The following BDP1 variants were observed in gnomAD, a reference collection of about 807,000 sequenced individuals.
BDP1 encodes the protein BDP1 general transcription factor IIIB subunit.
Under a neutral mutation model 266.6 loss-of-function variants are expected in BDP1, and 169 were observed. The observed-to-expected ratio is 0.63, with a 90% CI of 0.56 to 0.72. The LOEUF (loss-of-function observed/expected upper bound fraction) is 0.72, where lower values mean the gene tolerates loss of function less well. Ranked by LOEUF, BDP1 falls within the 30% of genes least tolerant of loss-of-function variation. The pLI is 0.00. For missense variants in BDP1, 3,015 were observed against 3,053.8 expected (o/e 0.99, Z 0.30); for synonymous variants, 1,090 against 1,022.4 (o/e 1.07, Z -1.26).
At chr5:71,461,557 T>C (rs1761565845) in intron 2 of BDP1, among the ~76,000 whole-genome samples, 4 of 152,024 alleles carry the variant, frequency 2.6e-5, no homozygotes, top group Non-Finnish European at 5.9e-5. Context: ...AAGGCTGCAG[T>C]GAGCTATGAT....
At chr5:71,507,810 A>T (rs1764664867) in intron 16 of BDP1, among the ~76,000 whole-genome samples, 1 of 152,234 alleles carries the variant, frequency 6.6e-6, no homozygotes, top group Non-Finnish European at 1.5e-5. Context: ...TAAACACTTC[A>T]GTTATGTAAA....
chr5:71,472,636 T>C (rs1762319080), intron 7 of BDP1, among the ~76,000 whole-genome samples: 1 of 152,174 alleles, frequency 6.6e-6, no homozygotes, highest in Admixed American at 6.6e-5. Context: ...TCATAAGGGA[T>C]ACTGATTTGT....
chr5:71,548,533 T>C (rs758949400), intron 32 of BDP1, 149 bp from the exon 33 acceptor site: 7 of 545,016 alleles, frequency 1.3e-5, no homozygotes, highest in Non-Finnish European at 2.0e-5. Flanking sequence ...AAAAGTTTAT[T>C]GGAACAGCCT....
chr5:71,551,907 C>T (rs1369017365), intron 34 of BDP1, among the ~76,000 whole-genome samples: 3 of 145,312 alleles, frequency 2.1e-5, no homozygotes, highest in African/African-American at 5.1e-5. Context: ...GGGGGGCTGA[C>T]CCCCCCACCT....
At chr5:71,550,799 G>A (rs1009671126) in intron 34 of BDP1, among the ~76,000 whole-genome samples, 2 of 152,070 alleles carry the variant, frequency 1.3e-5, no homozygotes, top group East Asian at 3.9e-4. Context: ...TCCACCTCCC[G>A]GGTTCAAGTG....
At position 71,506,786 on chromosome 5, in the gene BDP1, A is replaced by AACACACACAC. The variant is rs70992971; in HGVS notation, c.2372+2064_2372+2073dup. Among the ~76,000 whole-genome samples the AACACACACAC allele has an allele frequency of 8.4e-3, 539 of 64,406 alleles. 5 individuals carry two copies. Among genetic ancestry groups the AACACACACAC allele is most frequent in the Admixed American group, 0.033 (140 of 4,204 alleles). The allele number at this position is 64,406 out of a possible 152,430, so 42.3% of individuals were successfully genotyped here. ...TATATATATATATATATATATTTGAAACACACACACACACACACACACACA... is the reference window on the plus strand; with the variant it reads ...TATATATATATATATATATATTTGAAACACACACACACACACACACACACACACACACACA... On this transcript the variant is annotated intron_variant, in intron 16 of 38. Transcript: ENST00000358731.
At chr5:71,576,182 G>A in the BDP1 span, among the ~76,000 whole-genome samples, 2 of 152,106 alleles carry the variant, frequency 1.3e-5, no homozygotes, top group Admixed American at 1.3e-4. Flanking sequence ...TTCCTGTGCA[G>A]AGGCAAAAAC....
intron 4 of BDP1, among the ~76,000 whole-genome samples, chr5:71,465,757 T>C (rs1761866622): frequency 6.6e-6 from 1 of 152,126 alleles, no homozygotes. Context: ...GGTGCGCGCC[T>C]GTAATCCCAG....
chr5:71,544,335 G>A (rs781201113), intron 30 of BDP1, 22 bp from the exon 31 acceptor site: 42 of 1,603,202 alleles, frequency 2.6e-5, no homozygotes, highest in Middle Eastern at 1.7e-4. Flanking sequence ...GGTCTATATC[G>A]TAAGTGTGCT....
intron 5 of BDP1, 81 bp downstream of exon 5, chr5:71,466,302 G>A (rs534632305): frequency 6.8e-7 from 1 of 1,478,000 alleles, no homozygotes. Flanking sequence ...TCCTCTTTCT[G>A]TATTGGCCTT....
Position 71,562,450 on chromosome 5 carries a change from C to T in BDP1, c.7673C>T (p.Ser2558Phe), listed in dbSNP as rs756632652. The change falls in exon 38 of 39, where the codon TCC becomes TTC. Residue 2558 changes from serine to phenylalanine, a missense_variant. Transcript: ENST00000358731. Reference sequence around the variant, plus strand: ...GAAAGCCAGGAAAAAAATCGAGAGTCCTCTGATCTGCTTCCATCTCCAAGT... The same window carrying T: ...GAAAGCCAGGAAAAAAATCGAGAGTTCTCTGATCTGCTTCCATCTCCAAGT... ...FNESQEKNRE[S>F]SDLLPSPSVI... 4 of 1,613,818 alleles carry T rather than the reference C, an allele frequency of 2.5e-6. No individual in the cohort carries two copies. Among genetic ancestry groups the T allele is most frequent in the Admixed American group, 3.3e-5 (2 of 60,008 alleles).
At position 71,502,672 on chromosome 5, in the gene BDP1, T is replaced by C. The variant is rs370260690; in HGVS notation, c.2122T>C (p.Leu708=). 2.2e-5 allele frequency: 35 copies of C among 1,613,916 alleles called. No individual in the cohort carries two copies. Among genetic ancestry groups the C allele is most frequent in the Admixed American group, 1.7e-5 (1 of 59,978 alleles). ...AAGACCTGTACAAGTGAGGGGCCGA[T>C]TGCAAAAGCCAAAGCCAAATGCAGG... ...ALRPVQVRGR[L]QKPKPNAGKA... Residue 708 remains leucine (L), a synonymous_variant, in exon 15 of 39, where the codon TTG becomes CTG. Coordinates refer to ENST00000358731, the MANE Select transcript of BDP1 (RefSeq NM_018429.3).
intron 15 of BDP1, among the ~76,000 whole-genome samples, chr5:71,503,682 C>G (rs9968768): frequency 0.79 from 119,537 of 152,048 alleles, 47,598 homozygotes; most frequent in East Asian, 0.87. Context: ...CCCATGGTCT[C>G]TAGGCCAGGC....
chr5:71,518,944 C>T lies in BDP1; in HGVS notation c.4991+1492C>T, dbSNP rs187196775. ...AAGTGATTCTTGTGCTTCAGCCTCC[C>T]GAGTAGTTGGGATTGCAGGCACCCA... On this transcript the variant is annotated intron_variant, in intron 22 of 38. Transcript: ENST00000358731. Among the ~76,000 whole-genome samples, 175 of 150,892 alleles carry T rather than the reference C, an allele frequency of 1.2e-3. 1 individual carries two copies. Among genetic ancestry groups the T allele is most frequent in the Non-Finnish European group, 4.4e-4 (30 of 67,796 alleles).
intron 37 of BDP1, 134 bp downstream of exon 37, chr5:71,560,371 A>G: frequency 2.0e-6 from 2 of 1,003,156 alleles, no homozygotes; most frequent in South Asian, 2.0e-5. Flanking sequence ...TAAAGGAAAA[A>G]GTTTCAGCCA....
chr5:71,564,927 T>C lies in BDP1; in HGVS notation c.*42T>C. ...TTTCTTTTTTAAATTAGGTCTAGGA[T>C]TTCCAGAGTCAATTACATCAACAAA... On this transcript the variant is annotated 3_prime_UTR_variant, in exon 39 of 39. Transcript: ENST00000358731. 1 of 1,538,388 alleles carries C rather than the reference T, an allele frequency of 6.5e-7. No homozygotes were observed. The highest frequency in any genetic ancestry group is 8.8e-7 in the Non-Finnish European group (1 of 1,139,608).
At chr5:71,515,270 T>G in intron 20 of BDP1, 148 bp downstream of exon 20, 1 of 647,526 alleles carries the variant, frequency 1.5e-6, no homozygotes, top group Non-Finnish European at 2.5e-6. Context: ...CTGCCTAAAA[T>G]ATAATATCAG....
At position 71,522,332 on chromosome 5, in the gene BDP1, A is replaced by G; in HGVS notation, c.5035A>G (p.Arg1679Gly). The G allele has an allele frequency of 6.2e-6, 10 of 1,614,010 alleles. No individual in the cohort carries two copies. The highest frequency in any genetic ancestry group is 1.1e-5 in the South Asian group (1 of 91,066). Reference sequence around the variant, plus strand: ...TGTTCCTAGTTCAGCACAAATGACAAGAAGGAAATTCCAAAAGGCTAAGCC... The same window carrying G: ...TGTTCCTAGTTCAGCACAAATGACAGGAAGGAAATTCCAAAAGGCTAAGCC... Reference protein sequence around the residue: ...PYVPSSAQMTRRKFQKAKPNL... With the variant: ...PYVPSSAQMTGRKFQKAKPNL... Residue 1679 changes from arginine (R) to glycine (G), a missense_variant, in exon 23 of 39, where the codon AGA (arginine) becomes GGA (glycine). Around this residue, in one of 3 missense-constraint regions of BDP1, gnomAD observed 2,383 missense variants for 2,404.9 expected, o/e 0.99. Coordinates refer to ENST00000358731, the MANE Select transcript of BDP1 (RefSeq NM_018429.3).
At position 71,566,374 on chromosome 5, in the gene BDP1, A is replaced by T. The variant is rs1744035493; in HGVS notation, c.*1489A>T. The T allele has an allele frequency of 6.6e-6, 1 of 152,268 alleles. No individual in the cohort carries two copies. Among genetic ancestry groups the T allele is most frequent in the Non-Finnish European group, 1.5e-5 (1 of 68,038 alleles). The allele number at this position is 152,268 out of a possible 1,614,324, so 9.4% of individuals were successfully genotyped here. On this transcript the variant is annotated 3_prime_UTR_variant, in exon 39 of 39. Coordinates refer to ENST00000358731, the MANE Select transcript of BDP1 (RefSeq NM_018429.3). ...AGAGAAAATAAGGCTTTATAAAGTT[A>T]ATGATTATCATCAGTATGAATTTAA...
Sources: allele counts gnomAD v4.1 joint callset (sites outside exome capture counted in the v4.1 genomes callset), GRCh38; gene constraint gnomAD v4.1.1; regional missense constraint gnomAD v4.1.1; transcripts MANE v1.5; gene names NCBI Gene and HGNC (gene_info 2026-07-23, HGNC 2026-07-21).